SPTBN1: variants seen among roughly 807,000 people sequenced by gnomAD.
SPTBN1 encodes the protein spectrin beta, non-erythrocytic 1.
In SPTBN1, 32 loss-of-function variants were observed where a neutral mutation model predicts 266.4. The observed-to-expected ratio is 0.12, with a 90% CI of 0.09 to 0.16. The LOEUF (loss-of-function observed/expected upper bound fraction) is 0.16, where lower values mean the gene tolerates loss of function less well. SPTBN1 is among the 10% of genes least tolerant of loss of function. The pLI is 1.00. For synonymous variants in SPTBN1, 1,336 were observed against 1,162.2 expected (o/e 1.15, Z -3.04); for missense variants, 2,296 against 3,067.1 (o/e 0.75, Z 5.94).
intron 1 of SPTBN1, among the ~76,000 whole-genome samples, chr2:54,458,633 AAGG>A (rs1352744612): frequency 6.6e-6 from 1 of 152,172 alleles, no homozygotes; most frequent in South Asian, 2.1e-4. Context: ...ATCTAGTCAG[AAGG>A]AGATGGTTCC....
intron 2 of SPTBN1, among the ~76,000 whole-genome samples, chr2:54,578,619 A>C (rs1407499538): frequency 6.6e-6 from 1 of 152,116 alleles, no homozygotes; most frequent in African/African-American, 2.4e-5. Flanking sequence ...AAAACCACAA[A>C]CTTGATTTTG....
In SPTBN1 at chr2:54,475,460, G is replaced by T. The variant is rs149657005; in HGVS notation, c.-48+18942G>T. ...AGTCCCTTCTCTCTGTGGTCACATG[G>T]GAGAATCACTCTTGCCTGCTCCCCT... is the stretch of plus-strand genomic sequence containing the variant. On this transcript the variant is annotated intron_variant, in intron 1 of 35. Coordinates refer to ENST00000356805, the MANE Select transcript of SPTBN1 (RefSeq NM_003128.3). Among the ~76,000 whole-genome samples the T allele has an allele frequency of 5.0e-3, 768 of 152,130 alleles. 6 individuals carry two copies. The highest frequency in any genetic ancestry group is 0.018 in the African/African-American group (734 of 41,502).
At chr2:54,589,239 T>A (rs774371229) in intron 2 of SPTBN1, among the ~76,000 whole-genome samples, 50 of 152,120 alleles carry the variant, frequency 3.3e-4, no homozygotes, top group Admixed American at 5.9e-4. Context: ...CCCTCCAGAG[T>A]CTTGGCTTCT....
chr2:54,456,882 G>C (rs529135326), intron 1 of SPTBN1, among the ~76,000 whole-genome samples: 12 of 151,542 alleles, frequency 7.9e-5, no homozygotes, highest in African/African-American at 2.9e-4. Context: ...CCTGCAGCCG[G>C]GCGCGGCGGC....
chr2:54,645,587 G>T lies in SPTBN1; in HGVS notation c.4494+134G>T. 1.1e-6 allele frequency: 1 copy of T among 893,866 alleles called. No homozygotes were observed. The highest frequency in any genetic ancestry group is 1.7e-6 in the Non-Finnish European group (1 of 589,870). The allele number at this position is 893,866 out of a possible 1,614,324, so 55.4% of individuals were successfully genotyped here. A position where few individuals can be genotyped will look rare whatever the true frequency, so the allele number is the denominator to read the frequency against. ...CTGAGCTGCCAAAGTCCACGCTCTG[G>T]ATGGTCTAAAGTTTCTTTCCCTTTT... On this transcript the variant is annotated intron_variant, in intron 21 of 35. Coordinates refer to ENST00000356805, the MANE Select transcript of SPTBN1 (RefSeq NM_003128.3). The surrounding 1 kb of genome is among the most constrained non-coding windows in gnomAD (Gnocchi z 4.3).
At chr2:54,574,995 T>C (rs1170525319) in intron 2 of SPTBN1, among the ~76,000 whole-genome samples, 1 of 152,196 alleles carries the variant, frequency 6.6e-6, no homozygotes, top group Non-Finnish European at 1.5e-5. Flanking sequence ...CAGCCTCATT[T>C]AGCCAGCAAG....
At chr2:54,563,951 A>C (rs896332240) in intron 2 of SPTBN1, among the ~76,000 whole-genome samples, 5 of 152,136 alleles carry the variant, frequency 3.3e-5, no homozygotes, top group African/African-American at 1.2e-4. Context: ...CATCTGTATG[A>C]GGCTAGCTTT....
At chr2:54,544,549 GTT>G (rs1290413298) in intron 2 of SPTBN1, among the ~76,000 whole-genome samples, 2 of 151,940 alleles carry the variant, frequency 1.3e-5, no homozygotes, top group Non-Finnish European at 2.9e-5. Flanking sequence ...ATTTTTGTCT[GTT>G]TGTTTCTGAC....
chr2:54,535,952 G>A (rs906059414), intron 2 of SPTBN1, among the ~76,000 whole-genome samples: 6 of 152,212 alleles, frequency 3.9e-5, no homozygotes, highest in African/African-American at 2.4e-5. Flanking sequence ...TCTGGGAGGC[G>A]GAAGTTGCAG....
intron 5 of SPTBN1, among the ~76,000 whole-genome samples, chr2:54,617,188 G>A (rs1677663922): frequency 6.6e-6 from 1 of 152,236 alleles, no homozygotes; most frequent in Admixed American, 6.5e-5. Context: ...AAAGCTGAGT[G>A]TCACTTGAAC....
intron 17 of SPTBN1, among the ~76,000 whole-genome samples, chr2:54,633,582 C>T (rs1678911880): frequency 6.6e-6 from 1 of 152,200 alleles, no homozygotes; most frequent in South Asian, 2.1e-4. Context: ...GATGCACTAG[C>T]ACAGGCCAGT....
At chr2:54,576,908 A>T (rs1055553139) in intron 2 of SPTBN1, among the ~76,000 whole-genome samples, 2 of 152,164 alleles carry the variant, frequency 1.3e-5, no homozygotes, top group African/African-American at 4.8e-5. Context: ...ATTTTGGAGG[A>T]ATTGACATTG....
At chr2:54,610,511 C>T (rs927929375) in intron 3 of SPTBN1, among the ~76,000 whole-genome samples, 4 of 152,134 alleles carry the variant, frequency 2.6e-5, no homozygotes, top group Non-Finnish European at 4.4e-5. Flanking sequence ...GCAGTCTGCC[C>T]GCCTCAGCCT....
intron 2 of SPTBN1, among the ~76,000 whole-genome samples, chr2:54,569,207 C>A (rs1256943722): frequency 6.6e-6 from 1 of 152,068 alleles, no homozygotes; most frequent in Non-Finnish European, 1.5e-5. Context: ...GAATTCAGTT[C>A]TTGGCTGGCA....
chr2:54,627,358 A>G (rs1678416613), intron 12 of SPTBN1, among the ~76,000 whole-genome samples: 1 of 152,230 alleles, frequency 6.6e-6, no homozygotes, highest in South Asian at 2.1e-4. Flanking sequence ...TGAAGTAGAA[A>G]TCTCATCTGG....
intron 27 of SPTBN1, among the ~76,000 whole-genome samples, chr2:54,654,147 GAAGTAGGACCTTGGGCTTC>G (rs1171108013): frequency 6.6e-6 from 1 of 152,200 alleles, no homozygotes; most frequent in Non-Finnish European, 1.5e-5. Context: ...ATATGTGCTT[GAAGTAGGACCTTGGGCTTC>G]AAGTAGCCAC....
At chr2:54,476,748 A>G (rs541787980) in intron 1 of SPTBN1, among the ~76,000 whole-genome samples, 1 of 152,352 alleles carries the variant, frequency 6.6e-6, no homozygotes, top group African/African-American at 2.4e-5. Context: ...TGCATTGGGA[A>G]GAAGCTTTGT....
chr2:54,484,269 G>A lies in SPTBN1; in HGVS notation c.-48+27751G>A, dbSNP rs144605434. On this transcript the variant is annotated intron_variant, in intron 1 of 35. Coordinates refer to ENST00000356805, the MANE Select transcript of SPTBN1 (RefSeq NM_003128.3). ...GCCTTTCTCTGAGAAATAAATTATC[G>A]GGGCCCTCCTAGGACTTTTATATGC... Among the ~76,000 whole-genome samples, 25 of 152,162 alleles carry A rather than the reference G, an allele frequency of 1.6e-4. No individual in the cohort carries two copies. The East Asian group carries it at 3.3e-3, about 20-fold the overall frequency.
Position 54,669,138 on chromosome 2 carries a change from A to G in SPTBN1, c.*569A>G, listed in dbSNP as rs1681579173. 1 of 153,054 alleles carries G rather than the reference A, an allele frequency of 6.5e-6. No individual in the cohort carries two copies. Among genetic ancestry groups the G allele is most frequent in the African/African-American group, 2.4e-5 (1 of 41,428 alleles). The allele number at this position is 153,054 out of a possible 1,614,324, so 9.5% of individuals were successfully genotyped here. ...TGTATCTGGCATCACTTACTAACAC[A>G]CGACATGCGGCTTTTCTGCATCAAC... On this transcript the variant is annotated 3_prime_UTR_variant, in exon 36 of 36. Coordinates refer to ENST00000356805, the MANE Select transcript of SPTBN1 (RefSeq NM_003128.3).
Sources: allele counts gnomAD v4.1 joint callset (sites outside exome capture counted in the v4.1 genomes callset), GRCh38; gene constraint gnomAD v4.1.1; non-coding constraint Gnocchi (gnomAD v3.1); transcripts MANE v1.5; gene names NCBI Gene and HGNC (gene_info 2026-07-23, HGNC 2026-07-21).